Variants in ODR4 observed in about 807,000 individuals in gnomAD.
The protein encoded by ODR4 is protein odr-4 homolog.
In ODR4, 47 loss-of-function variants were observed where a neutral mutation model predicts 60.2. That is an observed-to-expected ratio of 0.78 (90% CI 0.62 to 1.00). The LOEUF is 1.00. Among genes scored for constraint, ODR4 ranks in the 50% least tolerant of loss-of-function variants. The pLI is 0.00. For synonymous variants in ODR4, 178 were observed against 175.5 expected, an observed-to-expected ratio of 1.01 and a Z score of -0.11; for missense variants, 488 against 530.8, an observed-to-expected ratio of 0.92 and a Z score of 0.79.
At chr1:186,397,668 A>G (rs989417239) in intron 9 of ODR4, among the ~76,000 whole-genome samples, 1 of 152,172 alleles carries the variant, frequency 6.6e-6, no homozygotes, top group Non-Finnish European at 1.5e-5. Context: ...CAGGATTTTT[A>G]GATTAGGGAT....
intron 12 of ODR4, among the ~76,000 whole-genome samples, chr1:186,416,167 T>G (rs1661557390): frequency 6.6e-6 from 1 of 152,228 alleles, no homozygotes; most frequent in South Asian, 2.1e-4. Flanking sequence ...GCCCATGTAC[T>G]GCAACGTGCT....
At chr1:186,386,663 G>C (rs552018809) in intron 4 of ODR4, among the ~76,000 whole-genome samples, 2 of 152,042 alleles carry the variant, frequency 1.3e-5, no homozygotes, top group Admixed American at 1.3e-4. Context: ...TGACTATTAG[G>C]AAACAAATTA....
At chr1:186,402,466 T>G (rs1235012065) in intron 11 of ODR4, among the ~76,000 whole-genome samples, 1 of 151,702 alleles carries the variant, frequency 6.6e-6, no homozygotes, top group African/African-American at 2.4e-5. Flanking sequence ...ATAATGCAGT[T>G]GTAGCTCACT....
downstream of ODR4, among the ~76,000 whole-genome samples, chr1:186,424,972 GAA>G (rs61156981): frequency 1.8e-3 from 234 of 127,648 alleles, no homozygotes; most frequent in Non-Finnish European, 1.8e-3. Flanking sequence ...CTAGATTAAA[GAA>G]AAAAAAAAAA....
At chr1:186,400,795 C>T (rs189837237) in intron 11 of ODR4, 2 of 344,604 alleles carry the variant, frequency 5.8e-6, no homozygotes, top group East Asian at 7.8e-5. Flanking sequence ...GTTCCATTTA[C>T]TAATAATTTA....
rs752029378 is a variant in ODR4, at chr1:186,398,429, A to C, written c.897A>C (p.Lys299Asn). The change falls in exon 10 of 14, where the codon AAA becomes AAC. Residue 299 changes from lysine to asparagine, a missense_variant. By Grantham distance (94) the Lys-to-Asn change is moderately conservative (BLOSUM62 0). Coordinates refer to ENST00000287859, the MANE Select transcript of ODR4 (RefSeq NM_017847.6). ...AYIHSSKPKV[K>N]DAVQAVKRDI... ...TCCACAGCAGTAAACCCAAAGTTAA[A>C]GATGCTGTGCAGGTACAAAAAGGAA... 3.7e-6 allele frequency: 6 copies of C among 1,607,034 alleles called. No individual in the cohort carries two copies. Among genetic ancestry groups the C allele is most frequent in the Non-Finnish European group, 5.1e-6 (6 of 1,176,200 alleles).
chr1:186,377,814 G>A (rs1659845669), intron 1 of ODR4, among the ~76,000 whole-genome samples: 1 of 152,196 alleles, frequency 6.6e-6, no homozygotes, highest in Non-Finnish European at 1.5e-5. Flanking sequence ...GGGAGGCCAA[G>A]GCAGGCAGAT....
chr1:186,418,155 T>C (rs1260336365), intron 13 of ODR4, among the ~76,000 whole-genome samples: 1 of 152,232 alleles, frequency 6.6e-6, no homozygotes, highest in Non-Finnish European at 1.5e-5. Flanking sequence ...GTTTTAAGAC[T>C]TCTGACTGAG....
chr1:186,405,950 C>T, intron 11 of ODR4, 133 bp from the exon 12 acceptor site: 1 of 645,884 alleles, frequency 1.5e-6, no homozygotes, highest in Non-Finnish European at 2.3e-6. Context: ...TGTGCCAGAT[C>T]AACCAGAAAA....
rs1166903383 is a variant in ODR4, at chr1:186,379,797, C to T, written c.12C>T (p.Thr4=). The T allele has an allele frequency of 1.3e-6, 2 of 1,588,796 alleles. No homozygotes were observed. Among genetic ancestry groups the T allele is most frequent in the East Asian group, 2.3e-5 (1 of 44,332 alleles). The part of the protein sequence containing the change: MGR[T]YIVEETVGQY... ...TTTAGTTCCTAAAAATGGGAAGAAC[C>T]TACATTGTAGAAGAGACTGTTGGCC... The change falls in exon 2 of 14, where the codon ACC becomes ACT. Residue 4 remains threonine (T), a synonymous_variant. Transcript: ENST00000287859.
chr1:186,387,506 C>G (rs1220215293), intron 4 of ODR4, among the ~76,000 whole-genome samples: 1 of 152,128 alleles, frequency 6.6e-6, no homozygotes, highest in Non-Finnish European at 1.5e-5. Context: ...GTATATAAAA[C>G]TTTAGAAATG....
chr1:186,383,687 A>ATATATATATATATATATATATATG (rs1660130983), intron 3 of ODR4, among the ~76,000 whole-genome samples: 5 of 150,906 alleles, frequency 3.3e-5, no homozygotes, highest in Admixed American at 2.6e-4. Context: ...AGATATATAT[A>ATATATATATATATATATATATATG]TATATATATA....
chr1:186,387,240 G>A (rs1225004698), intron 4 of ODR4, among the ~76,000 whole-genome samples: 1 of 152,118 alleles, frequency 6.6e-6, no homozygotes, highest in Non-Finnish European at 1.5e-5. Context: ...AGAAAATGGA[G>A]ATATTCTCCT....
At chr1:186,380,964 A>G (rs1284396250) in intron 2 of ODR4, among the ~76,000 whole-genome samples, 1 of 152,206 alleles carries the variant, frequency 6.6e-6, no homozygotes, top group Non-Finnish European at 1.5e-5. Flanking sequence ...CAGAATTTTT[A>G]CAAATCAGAT....
chr1:186,416,946 T>C (rs1661596898), intron 12 of ODR4, among the ~76,000 whole-genome samples: 2 of 151,868 alleles, frequency 1.3e-5, no homozygotes, highest in African/African-American at 2.4e-5. Context: ...TACTACTATA[T>C]AGTAAACAAA....
chr1:186,399,203 C>A, intron 11 of ODR4, 159 bp downstream of exon 11: 3 of 633,356 alleles, frequency 4.7e-6, no homozygotes, highest in Non-Finnish European at 5.7e-6. Flanking sequence ...AGTTGCTACT[C>A]AGATTTTTTT....
chr1:186,401,235 T>C (rs1054638826), intron 11 of ODR4: 10 of 1,410,054 alleles, frequency 7.1e-6, no homozygotes, highest in Non-Finnish European at 9.8e-6. Flanking sequence ...GCAGTTGTAC[T>C]GTTTGTATGT....
At chr1:186,382,871 C>T (rs1232873019) in intron 2 of ODR4, 151 bp from the exon 3 acceptor site, 8 of 701,734 alleles carry the variant, frequency 1.1e-5, no homozygotes, top group African/African-American at 1.8e-5. Flanking sequence ...TTCCCTTTAG[C>T]TTCCATTATA....
downstream of ODR4, among the ~76,000 whole-genome samples, chr1:186,424,949 C>T (rs927629556): frequency 6.7e-6 from 1 of 149,386 alleles, no homozygotes; most frequent in Non-Finnish European, 1.5e-5. Flanking sequence ...TCAAAGTAAT[C>T]TACAGGGTCA....
Sources: gnomAD v4.1 joint callset for allele counts (sites outside exome capture counted in the v4.1 genomes callset) on GRCh38, gnomAD v4.1.1 for gene constraint, MANE v1.5 for transcripts, NCBI Gene and HGNC (gene_info 2026-07-23, HGNC 2026-07-21) for gene names.